CADPS2: variants seen among roughly 807,000 people sequenced by gnomAD.
CADPS2 encodes the protein calcium-dependent secretion activator 2.
CADPS2 carries 93 observed loss-of-function variants against 172.5 expected under a neutral mutation model. The ratio of observed to expected loss-of-function variants is 0.54; its 90% confidence interval spans 0.46 to 0.64. The LOEUF (loss-of-function observed/expected upper bound fraction) is 0.64. CADPS2 is among the 30% of genes least tolerant of loss of function. CADPS2 has a pLI of 0.00. For missense variants in CADPS2, 1,420 were observed against 1,565.9 expected, an observed-to-expected ratio of 0.91 and a Z score of 1.57; for synonymous variants, 546 against 555.2, an observed-to-expected ratio of 0.98 and a Z score of 0.23.
chr7:122,339,821 G>T (rs966430272), intron 28 of CADPS2, among the ~76,000 whole-genome samples: 5 of 152,108 alleles, frequency 3.3e-5, no homozygotes, highest in Middle Eastern at 3.2e-3. Flanking sequence ...GGAAGTGGAG[G>T]TTGCAGTGAG....
In CADPS2 at chr7:122,420,392, T is replaced by G. The variant is rs1298336052; in HGVS notation, c.2477-4228A>C. Among the ~76,000 whole-genome samples, 5 of 152,230 alleles carry G rather than the reference T, an allele frequency of 3.3e-5. No individual in the cohort carries two copies. In the East Asian group the frequency reaches 9.6e-4, roughly 29 times the overall value. ...TTCTAAAACATTTATTCTTTCTAGA[T>G]TAAATTTATTGAGGATCAAAACTTT... On this transcript the variant is annotated intron_variant, in intron 17 of 29. Coordinates refer to ENST00000449022, the MANE Select transcript of CADPS2 (RefSeq NM_017954.11).
intron 1 of CADPS2, among the ~76,000 whole-genome samples, chr7:122,779,540 T>C (rs1792122686): frequency 6.6e-6 from 1 of 152,110 alleles, no homozygotes; most frequent in Admixed American, 6.5e-5. Context: ...AAAAATAAAT[T>C]CTGCCCAGAG....
intron 2 of CADPS2, among the ~76,000 whole-genome samples, chr7:122,703,645 A>G (rs2086520807): frequency 6.6e-6 from 1 of 152,296 alleles, no homozygotes; most frequent in East Asian, 1.9e-4. Flanking sequence ...CCCAAGGACA[A>G]GAGAAACACA....
chr7:122,585,811 A>T (rs921943930), intron 6 of CADPS2: 3 of 151,970 alleles, frequency 2.0e-5, no homozygotes, highest in East Asian at 3.9e-4. Context: ...TAATTCATAT[A>T]CCAACTGAAA....
intron 13 of CADPS2, among the ~76,000 whole-genome samples, chr7:122,474,093 A>T (rs56782351): frequency 0.27 from 40,442 of 151,902 alleles, 5,808 homozygotes; most frequent in East Asian, 0.38. Flanking sequence ...ATTTTCACTG[A>T]GCGTTCTTTA....
intron 2 of CADPS2, among the ~76,000 whole-genome samples, chr7:122,703,942 A>T (rs2086574097): frequency 6.6e-6 from 1 of 152,166 alleles, no homozygotes; most frequent in African/African-American, 2.4e-5. Context: ...ACGGCTTTAA[A>T]GATGCCTTAT....
chr7:122,359,823 T>G (rs2039902549), intron 27 of CADPS2, among the ~76,000 whole-genome samples: 1 of 152,060 alleles, frequency 6.6e-6, no homozygotes, highest in Admixed American at 6.6e-5. Flanking sequence ...CATGCAAAGG[T>G]AGAAAAGTCC....
chr7:122,368,935 C>T (rs181593790), intron 25 of CADPS2, among the ~76,000 whole-genome samples: 1 of 152,222 alleles, frequency 6.6e-6, no homozygotes, highest in African/African-American at 2.4e-5. Flanking sequence ...GGACACCCAG[C>T]TGGTAACATA....
intron 6 of CADPS2, among the ~76,000 whole-genome samples, chr7:122,602,844 C>G (rs895112461): frequency 3.9e-5 from 6 of 152,094 alleles, no homozygotes; most frequent in Non-Finnish European, 8.8e-5. Flanking sequence ...ATTATCCTTT[C>G]TTTTGCTAAT....
chr7:122,500,552 T>C (rs1005660071), intron 9 of CADPS2, among the ~76,000 whole-genome samples: 2 of 152,008 alleles, frequency 1.3e-5, no homozygotes, highest in Non-Finnish European at 2.9e-5. Flanking sequence ...ACAGTAAACA[T>C]CCCCTCATGC....
At chr7:122,645,367 G>A (rs13228884) in intron 3 of CADPS2, among the ~76,000 whole-genome samples, 72,382 of 94,986 alleles carry the variant, frequency 0.76, 25,159 homozygotes, top group South Asian at 0.86. Context: ...ACATGTACAT[G>A]TATACACACA....
intron 7 of CADPS2, among the ~76,000 whole-genome samples, chr7:122,565,035 T>C (rs543765570): frequency 4.6e-5 from 7 of 151,632 alleles, no homozygotes; most frequent in Non-Finnish European, 7.4e-5. Context: ...TACATAGATA[T>C]ATGGAGAGGA....
chr7:122,618,043 CA>C (rs35600638), intron 5 of CADPS2, among the ~76,000 whole-genome samples: 2,754 of 145,636 alleles, frequency 0.019, 38 homozygotes, highest in Middle Eastern at 0.032. Context: ...GATTCCATCT[CA>C]AAAAAAAAAA....
intron 22 of CADPS2, among the ~76,000 whole-genome samples, chr7:122,389,784 G>A (rs2044140503): frequency 6.6e-6 from 1 of 151,744 alleles, no homozygotes; most frequent in Non-Finnish European, 1.5e-5. Context: ...TATATTTCTA[G>A]TTTACAAAAG....
At chr7:122,341,854 T>C (rs1361317789) in intron 28 of CADPS2, among the ~76,000 whole-genome samples, 1 of 152,170 alleles carries the variant, frequency 6.6e-6, no homozygotes, top group Non-Finnish European at 1.5e-5. Flanking sequence ...ACTACAGCTA[T>C]TATTTTGATA....
At chr7:122,711,001 A>G in intron 2 of CADPS2, among the ~76,000 whole-genome samples, 1 of 152,162 alleles carries the variant, frequency 6.6e-6, no homozygotes, top group East Asian at 1.9e-4. Flanking sequence ...ATATTAAGAC[A>G]TATCTGGAGC....
At chr7:122,559,925 C>T (rs541036330) in intron 7 of CADPS2, among the ~76,000 whole-genome samples, 1 of 151,890 alleles carries the variant, frequency 6.6e-6, no homozygotes, top group South Asian at 2.1e-4. Context: ...TTGTGATGTA[C>T]CAAATTTAAG....
chr7:122,755,443 A>G (rs1002707380), intron 1 of CADPS2, among the ~76,000 whole-genome samples: 72 of 152,162 alleles, frequency 4.7e-4, no homozygotes, highest in African/African-American at 1.6e-3. Flanking sequence ...GCTATATATT[A>G]TCAACACTGT....
rs190553514 is a variant in CADPS2 at position 122,732,294 on chromosome 7, G to A, written c.453+4661C>T. ...AAGATCCCAGGTATTAAAGTAAACC[G>A]AATATCTGAAGGTACAACCACTATA... On this transcript the variant is annotated intron_variant, in intron 2 of 29. Transcript: ENST00000449022. 2.0e-3 allele frequency among the ~76,000 whole-genome samples: 304 copies of A among 151,010 alleles called. 1 individual carries two copies. The highest frequency in any genetic ancestry group is 6.9e-3 in the African/African-American group (285 of 41,342).
Sources: gnomAD v4.1 joint callset for allele counts (sites outside exome capture counted in the v4.1 genomes callset) on GRCh38, gnomAD v4.1.1 for gene constraint, MANE v1.5 for transcripts, NCBI Gene and HGNC (gene_info 2026-07-23, HGNC 2026-07-21) for gene names.